The following BACH2 variants were observed in gnomAD, a reference collection of about 807,000 sequenced individuals.
BACH2 encodes the protein BACH transcriptional regulator 2, also known as transcription regulator protein BACH2.
A neutral mutation model predicts 61.8 loss-of-function variants in BACH2; 5 were observed. The ratio of observed to expected loss-of-function variants is 0.08; its 90% CI spans 0.04 to 0.17. BACH2 has a LOEUF of 0.17. BACH2 is among the 10% of genes least tolerant of loss of function. The pLI is 1.00. For synonymous variants in BACH2, 446 were observed against 440.1 expected, an observed-to-expected ratio of 1.01 and a Z score of -0.17; for missense variants, 824 against 1,091.1, an observed-to-expected ratio of 0.76 and a Z score of 3.45.
At chr6:90,203,435 G>GC (rs1769026858) in intron 4 of BACH2, among the ~76,000 whole-genome samples, 1 of 143,154 alleles carries the variant, frequency 7.0e-6, no homozygotes, top group African/African-American at 2.6e-5. Context: ...TTCTAATTAT[G>GC]AAGTTTTTGA....
chr6:90,129,572 C>A (rs1444133961), intron 4 of BACH2, among the ~76,000 whole-genome samples: 1 of 152,138 alleles, frequency 6.6e-6, no homozygotes, highest in Non-Finnish European at 1.5e-5. Context: ...GCCATTTTCA[C>A]AATACTGATT....
intron 6 of BACH2, among the ~76,000 whole-genome samples, chr6:89,978,634 A>T (rs1056443769): frequency 4.8e-4 from 32 of 67,166 alleles, no homozygotes; most frequent in African/African-American, 1.7e-3. Context: ...TGTTGGCTTT[A>T]AAAAAAAAAA....
chr6:90,016,866 A>T (rs1349010894), intron 5 of BACH2, among the ~76,000 whole-genome samples: 2 of 149,102 alleles, frequency 1.3e-5, no homozygotes, highest in African/African-American at 5.0e-5. Context: ...TTTCACCTGC[A>T]TTGTTTCCAG....
intron 1 of BACH2, among the ~76,000 whole-genome samples, chr6:90,281,395 G>A (rs2127886822): frequency 6.6e-6 from 1 of 152,264 alleles, no homozygotes; most frequent in Middle Eastern, 3.4e-3. Context: ...AACATAGACA[G>A]TTTTTAAAAA....
At chr6:90,041,929 C>G (rs554782731) in intron 5 of BACH2, among the ~76,000 whole-genome samples, 37 of 152,090 alleles carry the variant, frequency 2.4e-4, no homozygotes, top group Non-Finnish European at 5.1e-4. Flanking sequence ...TCTTTTCTAA[C>G]GTTTTGAGTT....
chr6:90,189,233 C>A (rs1020868193), intron 4 of BACH2, among the ~76,000 whole-genome samples: 58 of 152,166 alleles, frequency 3.8e-4, no homozygotes, highest in Non-Finnish European at 8.1e-4. Flanking sequence ...AAGAGACAGT[C>A]TTTGTTTAAA....
chr6:90,000,178 G>A (rs1284625184), intron 6 of BACH2, among the ~76,000 whole-genome samples: 1 of 152,176 alleles, frequency 6.6e-6, no homozygotes, highest in East Asian at 1.9e-4. Flanking sequence ...CTCCAGGGCT[G>A]GAGTCACAAT....
intron 5 of BACH2, among the ~76,000 whole-genome samples, chr6:90,048,522 G>A (rs920050036): frequency 1.3e-5 from 2 of 152,218 alleles, no homozygotes; most frequent in Non-Finnish European, 2.9e-5. Flanking sequence ...ATTTGCCATT[G>A]TGGCAGTTCC....
At chr6:90,093,251 G>A (rs1436232337) in intron 4 of BACH2, among the ~76,000 whole-genome samples, 2 of 152,166 alleles carry the variant, frequency 1.3e-5, no homozygotes, top group African/African-American at 4.8e-5. Flanking sequence ...CAGTCTCAAA[G>A]AGACGGCCAC....
intron 3 of BACH2, chr6:90,217,998 G>A (rs989922566): frequency 1.4e-4 from 22 of 152,172 alleles, no homozygotes; most frequent in African/African-American, 5.1e-4. Context: ...GGTACACCTC[G>A]CAGCAATCCT....
chr6:90,160,949 G>C (rs917115395), intron 4 of BACH2, among the ~76,000 whole-genome samples: 1 of 152,080 alleles, frequency 6.6e-6, no homozygotes, highest in Non-Finnish European at 1.5e-5. Flanking sequence ...TTAGCTGGGC[G>C]TGGTGGCGTG....
chr6:90,243,408 G>C (rs904174139), intron 3 of BACH2, among the ~76,000 whole-genome samples: 1 of 152,148 alleles, frequency 6.6e-6, no homozygotes, highest in African/African-American at 2.4e-5. Context: ...AGACTTTGGA[G>C]AAAATGCTTA....
intron 3 of BACH2, among the ~76,000 whole-genome samples, chr6:90,251,508 TAGCACATACC>T: frequency 1.0e-5 from 1 of 96,462 alleles, no homozygotes; most frequent in Non-Finnish European, 3.1e-5. Flanking sequence ...ACCATTAGTT[TAGCACATACC>T]CAGCACCTGC....
intron 3 of BACH2, among the ~76,000 whole-genome samples, chr6:90,235,373 G>C (rs1770226307): frequency 6.6e-6 from 1 of 152,202 alleles, no homozygotes; most frequent in African/African-American, 2.4e-5. Flanking sequence ...TTACATCACA[G>C]GGTTGTGAAG....
chr6:90,113,843 T>C lies in BACH2; in HGVS notation c.-161-24734A>G, dbSNP rs149340439. 3.1e-3 allele frequency among the ~76,000 whole-genome samples: 474 copies of C among 152,134 alleles called. 2 individuals are homozygous for C. Among genetic ancestry groups the C allele is most frequent in the Admixed American group, 9.8e-3 (150 of 15,252 alleles). The stretch of plus-strand genomic sequence containing the variant: ...TTAGAAATGATGAAGAGAATGTTAC[T>C]ACTGACCACACAGAAATAAAACAAC... On this transcript the variant is annotated intron_variant, in intron 4 of 8. Coordinates refer to ENST00000257749, the MANE Select transcript of BACH2 (RefSeq NM_021813.4).
intron 5 of BACH2, among the ~76,000 whole-genome samples, chr6:90,029,831 G>A (rs1341696098): frequency 6.6e-6 from 1 of 152,114 alleles, no homozygotes; most frequent in Non-Finnish European, 1.5e-5. Flanking sequence ...TTTATCCACA[G>A]AAAACTTACT....
At chr6:90,286,414 A>G (rs755262446) in intron 1 of BACH2, among the ~76,000 whole-genome samples, 2 of 152,212 alleles carry the variant, frequency 1.3e-5, no homozygotes, top group Non-Finnish European at 2.9e-5. Flanking sequence ...AAAAATCTGC[A>G]GGAACACTGG....
chr6:90,230,724 C>T (rs1770068984), intron 3 of BACH2, among the ~76,000 whole-genome samples: 1 of 152,142 alleles, frequency 6.6e-6, no homozygotes, highest in African/African-American at 2.4e-5. Flanking sequence ...ATGTGGAGAC[C>T]TGGCTCTGCC....
At chr6:90,145,343 A>G (rs976337031) in intron 4 of BACH2, among the ~76,000 whole-genome samples, 5 of 152,256 alleles carry the variant, frequency 3.3e-5, no homozygotes, top group Non-Finnish European at 7.3e-5. Flanking sequence ...AGACAAAGAT[A>G]GGTAATTAAC....
Sources: gnomAD v4.1 joint callset for allele counts (sites outside exome capture counted in the v4.1 genomes callset) on GRCh38, gnomAD v4.1.1 for gene constraint, MANE v1.5 for transcripts, NCBI Gene and HGNC (gene_info 2026-07-23, HGNC 2026-07-21) for gene names.